The following PRKG1 variants were observed in gnomAD, a reference collection of about 807,000 sequenced individuals.
PRKG1 encodes protein kinase cGMP-dependent 1.
In PRKG1, 35 loss-of-function variants were observed where a neutral mutation model predicts 88.1. That is an observed-to-expected ratio of 0.40 (90% CI 0.30 to 0.53). The LOEUF (loss-of-function observed/expected upper bound fraction) is 0.53, where lower values mean the gene tolerates loss of function less well. Ranked by LOEUF, PRKG1 falls within the 20% of genes least tolerant of loss-of-function variation. The pLI, the probability that PRKG1 is intolerant of heterozygous loss-of-function variation, is 0.59. For missense variants in PRKG1, 540 were observed against 839.8 expected (o/e 0.64, Z 4.41); for synonymous variants, 303 against 292.5 (o/e 1.04, Z -0.37).
chr10:51,081,083 A>G (rs1589138055), intron 1 of PRKG1, among the ~76,000 whole-genome samples: 1 of 152,204 alleles, frequency 6.6e-6, no homozygotes, highest in East Asian at 1.9e-4. Flanking sequence ...ACTACTCTCC[A>G]GCTTTTTTCA....
At chr10:51,216,461 GA>G (rs1838373474) in intron 2 of PRKG1, among the ~76,000 whole-genome samples, 1 of 152,118 alleles carries the variant, frequency 6.6e-6, no homozygotes, top group Non-Finnish European at 1.5e-5. Flanking sequence ...CCATCTTTAT[GA>G]CCTTAAACAA....
intron 3 of PRKG1, among the ~76,000 whole-genome samples, chr10:51,666,306 A>T (rs1840421618): frequency 6.6e-6 from 1 of 152,196 alleles, no homozygotes; most frequent in African/African-American, 2.4e-5. Context: ...GCCCGACACT[A>T]AGTTGGCCCC....
rs114161885 is a variant in PRKG1 at position 51,522,233 on chromosome 10, T to G, written c.592+54397T>G. Among the ~76,000 whole-genome samples the G allele has an allele frequency of 2.3e-3, 349 of 152,322 alleles. 2 individuals carry two copies. The highest frequency in any genetic ancestry group is 8.1e-3 in the African/African-American group (338 of 41,574). ...ATGACATTGAAGACCATGTAGAATA[T>G]GATCATGTTTTGTGTTTGACACATT... On this transcript the variant is annotated intron_variant, in intron 3 of 17. Transcript: ENST00000373980.
intron 4 of PRKG1, among the ~76,000 whole-genome samples, chr10:51,889,233 C>G (rs7912935): frequency 0.5 from 65,497 of 131,182 alleles, 16,557 homozygotes; most frequent in African/African-American, 0.53. Flanking sequence ...CAACAGGCCC[C>G]GGTGTGTGAT....
At chr10:51,691,080 C>T (rs558003978) in intron 3 of PRKG1, among the ~76,000 whole-genome samples, 1 of 149,326 alleles carries the variant, frequency 6.7e-6, no homozygotes, top group Non-Finnish European at 1.5e-5. Flanking sequence ...GAAGATATTG[C>T]TATTTTGGAT....
chr10:51,293,712 T>C (rs1840642881), intron 2 of PRKG1, among the ~76,000 whole-genome samples: 1 of 152,138 alleles, frequency 6.6e-6, no homozygotes, highest in African/African-American at 2.4e-5. Flanking sequence ...TTCAACATAC[T>C]GATTTTTTTT....
intron 9 of PRKG1, among the ~76,000 whole-genome samples, chr10:52,209,009 G>A (rs1236515815): frequency 1.3e-5 from 2 of 152,116 alleles, no homozygotes; most frequent in African/African-American, 4.8e-5. Context: ...TAGAAAATAT[G>A]CTTAAGAGCG....
At chr10:51,756,606 G>A (rs1409117436) in intron 3 of PRKG1, among the ~76,000 whole-genome samples, 1 of 151,994 alleles carries the variant, frequency 6.6e-6, no homozygotes, top group East Asian at 1.9e-4. Flanking sequence ...ACGAGGTCAG[G>A]AGATTGAGAC....
intron 3 of PRKG1, among the ~76,000 whole-genome samples, chr10:51,569,750 T>C (rs1219638628): frequency 1.3e-5 from 2 of 151,988 alleles, no homozygotes; most frequent in Non-Finnish European, 2.9e-5. Context: ...GTAAACCATG[T>C]CATTCTCTGC....
At chr10:51,121,546 T>C (rs1330092568) in intron 1 of PRKG1, among the ~76,000 whole-genome samples, 1 of 152,112 alleles carries the variant, frequency 6.6e-6, no homozygotes, top group Non-Finnish European at 1.5e-5. Flanking sequence ...ATGAGAACTT[T>C]TTATGTCATA....
At chr10:52,267,804 T>A (rs1841616224) in intron 10 of PRKG1, among the ~76,000 whole-genome samples, 1 of 152,084 alleles carries the variant, frequency 6.6e-6, no homozygotes, top group African/African-American at 2.4e-5. Context: ...ATTTTTACAG[T>A]TGCATTGCAT....
At chr10:51,171,185 A>G (rs1384655774) in intron 2 of PRKG1, among the ~76,000 whole-genome samples, 1 of 152,140 alleles carries the variant, frequency 6.6e-6, no homozygotes, top group Non-Finnish European at 1.5e-5. Context: ...TTTTTGGCCT[A>G]AACAGTTGGA....
intron 3 of PRKG1, among the ~76,000 whole-genome samples, chr10:51,505,488 A>G (rs1445724545): frequency 2.0e-5 from 3 of 152,134 alleles, no homozygotes; most frequent in Admixed American, 6.5e-5. Context: ...GGCCTCATAA[A>G]ATGAGTTAGG....
At chr10:52,205,432 AC>A (rs1412843833) in intron 9 of PRKG1, among the ~76,000 whole-genome samples, 1 of 152,034 alleles carries the variant, frequency 6.6e-6, no homozygotes, top group African/African-American at 2.4e-5. Context: ...TATTTCTCAG[AC>A]CAGCCAACAC....
At chr10:51,381,185 A>C (rs889719954) in intron 2 of PRKG1, among the ~76,000 whole-genome samples, 3 of 141,234 alleles carry the variant, frequency 2.1e-5, no homozygotes, top group Non-Finnish European at 4.6e-5. Context: ...TGAACCCAGG[A>C]GGTGGAGGTT....
chr10:52,202,131 T>A (rs1839688765), intron 9 of PRKG1, among the ~76,000 whole-genome samples: 1 of 152,122 alleles, frequency 6.6e-6, no homozygotes, highest in Admixed American at 6.5e-5. Context: ...TTTGTCTTGT[T>A]CCAGTTCTCA....
At chr10:51,990,336 T>C in intron 5 of PRKG1, among the ~76,000 whole-genome samples, 1 of 152,078 alleles carries the variant, frequency 6.6e-6, no homozygotes, top group East Asian at 1.9e-4. Context: ...TTTTGTACAA[T>C]GTTAGGATTG....
In PRKG1 at chr10:52,294,098, G is replaced by A; in HGVS notation, c.*198G>A. 2.1e-6 allele frequency: 1 copy of A among 473,376 alleles called. No homozygotes were observed. Among genetic ancestry groups the A allele is most frequent in the Non-Finnish European group, 3.7e-6 (1 of 267,562 alleles). 29.3% of individuals were successfully genotyped at this position (473,376 alleles called of 1,614,324 possible). On this transcript the variant is annotated 3_prime_UTR_variant, in exon 18 of 18. Transcript: ENST00000373980. ...AGTGCTCTTTACATGTTTTCTGTTT[G>A]AACCTAAAATAGCAGTTGACATGGT...
chr10:52,225,616 T>C (rs1840368768), intron 9 of PRKG1, among the ~76,000 whole-genome samples: 1 of 152,232 alleles, frequency 6.6e-6, no homozygotes, highest in Non-Finnish European at 1.5e-5. Flanking sequence ...TTCAGTAGTT[T>C]CAGGTCTTAG....
Sources: allele counts gnomAD v4.1 joint callset (sites outside exome capture counted in the v4.1 genomes callset), GRCh38; gene constraint gnomAD v4.1.1; transcripts MANE v1.5; gene names NCBI Gene and HGNC (gene_info 2026-07-23, HGNC 2026-07-21).